SOCS7: variants seen among roughly 807,000 people sequenced by gnomAD.
SOCS7 encodes the protein suppressor of cytokine signaling 7.
Under a neutral mutation model 58.9 loss-of-function variants are expected in SOCS7, and 18 were observed. That is an observed-to-expected ratio of 0.31 (90% CI 0.21 to 0.45). The LOEUF is 0.45. Among genes scored for constraint, SOCS7 ranks in the 20% least tolerant of loss-of-function variants. The pLI is 1.00. For missense variants in SOCS7, 667 were observed against 837.3 expected, an observed-to-expected ratio of 0.80 and a Z score of 2.51; for synonymous variants, 388 against 364.3, an observed-to-expected ratio of 1.06 and a Z score of -0.74.
At chr17:38,397,190 TA>T (rs1649548011) in intron 9 of SOCS7, among the ~76,000 whole-genome samples, 1 of 152,186 alleles carries the variant, frequency 6.6e-6, no homozygotes, top group African/African-American at 2.4e-5. Flanking sequence ...ACGGAGGTTT[TA>T]GGGAGGGATA....
chr17:38,364,814 C>G lies in SOCS7; in HGVS notation c.1108C>G (p.Pro370Ala), dbSNP rs199883782. 2 of 1,614,126 alleles carry G rather than the reference C, an allele frequency of 1.2e-6. No homozygotes were observed. The highest frequency in any genetic ancestry group is 4.5e-5 in the East Asian group (2 of 44,878). The change falls in exon 3 of 10, where the codon CCA becomes GCA. Residue 370 changes from proline (P) to alanine (A), a missense_variant. By Grantham distance (27) the Pro-to-Ala change is conservative. Transcript: ENST00000612932. ...GCGGGGCCTGACCTCTCCACACCCT[C>G]CAACTCCCCCTCCTCCTCCGAGAAG... ...SQRGLTSPHP[P>A]TPPPPPRRSL...
chr17:38,358,228 C>T (rs1555567090), intron 1 of SOCS7, among the ~76,000 whole-genome samples: 2 of 152,288 alleles, frequency 1.3e-5, no homozygotes, highest in East Asian at 1.9e-4. Context: ...TATAACTTTG[C>T]ACCCTAATGC....
intron 7 of SOCS7, among the ~76,000 whole-genome samples, chr17:38,379,182 A>AC (rs893946220): frequency 5.4e-5 from 8 of 148,234 alleles, no homozygotes; most frequent in South Asian, 4.3e-4. Flanking sequence ...AAAAAAAACA[A>AC]AAAAAAAAAA....
chr17:38,382,304 G>A (rs2038013312), intron 7 of SOCS7, among the ~76,000 whole-genome samples: 1 of 151,712 alleles, frequency 6.6e-6, no homozygotes, highest in Non-Finnish European at 1.5e-5. Context: ...CACATGTGAT[G>A]GTGTGTGCCT....
chr17:38,387,065 G>C (rs1183460735), intron 7 of SOCS7, among the ~76,000 whole-genome samples: 1 of 117,754 alleles, frequency 8.5e-6, no homozygotes, highest in East Asian at 2.5e-4. Flanking sequence ...CTGGGCGACA[G>C]AGCGAGACTC....
At chr17:38,388,501 G>T (rs968093436) in intron 7 of SOCS7, among the ~76,000 whole-genome samples, 2 of 151,994 alleles carry the variant, frequency 1.3e-5, no homozygotes, top group Non-Finnish European at 2.9e-5. Context: ...CCTGGGTGAA[G>T]ACAGAACAAG....
Position 38,366,945 on chromosome 17 carries a change from T to G in SOCS7, c.1383+528T>G, listed in dbSNP as rs41491248. On this transcript the variant is annotated intron_variant, in intron 5 of 9. Coordinates refer to ENST00000612932, the MANE Select transcript of SOCS7 (RefSeq NM_014598.4). The stretch of plus-strand genomic sequence containing the variant: ...CATGATAAAGGTTGTTGGAGAAATG[T>G]TTTACATAGTCTAAGCTGATTTTGA... Among the ~76,000 whole-genome samples the G allele has an allele frequency of 9.8e-4, 150 of 152,366 alleles. 1 individual carries two copies. The highest frequency in any genetic ancestry group is 3.5e-3 in the African/African-American group (145 of 41,588).
At chr17:38,361,830 C>G (rs999114356) in intron 2 of SOCS7, 55 bp downstream of exon 2, 1 of 1,310,356 alleles carries the variant, frequency 7.6e-7, no homozygotes, top group African/African-American at 1.5e-5. Context: ...CGTTCTGAGA[C>G]CTGTTGGGAA....
intron 7 of SOCS7, among the ~76,000 whole-genome samples, chr17:38,388,394 G>A (rs762303171): frequency 4.6e-5 from 7 of 151,630 alleles, no homozygotes; most frequent in Non-Finnish European, 5.9e-5. Flanking sequence ...TGGTGAGCAC[G>A]TGTAGTCCCA....
chr17:38,368,515 T>C (rs2144340698), intron 6 of SOCS7, among the ~76,000 whole-genome samples: 1 of 152,108 alleles, frequency 6.6e-6, no homozygotes, highest in South Asian at 2.1e-4. Context: ...TCTTTTTTTT[T>C]TTTTGAGACA....
chr17:38,372,897 G>A (rs570638301), intron 6 of SOCS7, among the ~76,000 whole-genome samples: 2 of 152,080 alleles, frequency 1.3e-5, no homozygotes, highest in South Asian at 2.1e-4. Flanking sequence ...ACATGAGGTC[G>A]GGAGTTCGAG....
chr17:38,365,314 T>C lies in SOCS7; in HGVS notation c.1157T>C (p.Ile386Thr), dbSNP rs1555568137. The part of the protein sequence containing the change: ...PRRSLSLLDD[I>T]SGTLPTSVLV... ...CTTTTGTTCTCTCTTCTAGATGATA[T>C]CAGTGGGACGCTGCCTACATCTGTC... Residue 386 changes from isoleucine to threonine, a missense_variant, in exon 4 of 10, where the codon ATC becomes ACC. Transcript: ENST00000612932. 7 of 1,610,526 alleles carry C rather than the reference T, an allele frequency of 4.3e-6. No individual in the cohort carries two copies. Among genetic ancestry groups the C allele is most frequent in the African/African-American group, 1.3e-5 (1 of 74,780 alleles).
chr17:38,391,022 G>A (rs1320299113), intron 7 of SOCS7, among the ~76,000 whole-genome samples: 1 of 151,896 alleles, frequency 6.6e-6, no homozygotes, highest in Admixed American at 6.6e-5. Flanking sequence ...TATAAGTTTT[G>A]TATTTCTTTT....
intron 7 of SOCS7, among the ~76,000 whole-genome samples, chr17:38,381,975 C>A (rs1259035798): frequency 0.072 from 6,194 of 86,132 alleles, 349 homozygotes; most frequent in African/African-American, 0.24. Flanking sequence ...AAAAAAAAAA[C>A]CTAAAAAAAC....
At chr17:38,387,486 T>C (rs1161841430) in intron 7 of SOCS7, among the ~76,000 whole-genome samples, 1 of 142,888 alleles carries the variant, frequency 7.0e-6, no homozygotes. Flanking sequence ...AGTATATATA[T>C]ACACAATACA....
chr17:38,397,172 C>T (rs193245073), intron 9 of SOCS7, among the ~76,000 whole-genome samples: 1 of 152,196 alleles, frequency 6.6e-6, no homozygotes, highest in East Asian at 1.9e-4. Flanking sequence ...ATGTGATTAA[C>T]CCAGAGCACG....
chr17:38,356,835 C>T (rs1264035179), intron 1 of SOCS7, among the ~76,000 whole-genome samples: 1 of 152,218 alleles, frequency 6.6e-6, no homozygotes, highest in Non-Finnish European at 1.5e-5. Context: ...ATTGCTATTT[C>T]AGGAAAACCA....
At chr17:38,356,650 C>T (rs1423479279) in intron 1 of SOCS7, among the ~76,000 whole-genome samples, 2 of 152,198 alleles carry the variant, frequency 1.3e-5, no homozygotes, top group Non-Finnish European at 2.9e-5. Flanking sequence ...CAGGCGTGAG[C>T]CACCACGCCC....
At chr17:38,365,746 G>C (rs1555568224) in intron 4 of SOCS7, 1 of 231,152 alleles carries the variant, frequency 4.3e-6, no homozygotes, top group African/African-American at 2.3e-5. Context: ...TATGTTGGTG[G>C]TTTTCAGCAT....
Sources: allele counts gnomAD v4.1 joint callset (sites outside exome capture counted in the v4.1 genomes callset), GRCh38; gene constraint gnomAD v4.1.1; transcripts MANE v1.5; gene names NCBI Gene and HGNC (gene_info 2026-07-23, HGNC 2026-07-21).